Variants in GRIP1 observed in about 807,000 individuals in gnomAD.
GRIP1 encodes glutamate receptor-interacting protein 1.
In GRIP1, 45 loss-of-function variants were observed where a neutral mutation model predicts 129.9. The ratio of observed to expected loss-of-function variants is 0.35; its 90% CI spans 0.27 to 0.44. GRIP1 has a LOEUF of 0.44. Ranked by LOEUF, GRIP1 falls within the 20% of genes least tolerant of loss-of-function variation. The probability of loss-of-function intolerance (pLI) is 1.00; values close to 1 mark genes in which losing one functional copy is unlikely to be tolerated. For synonymous variants in GRIP1, 530 were observed against 520.8 expected, an observed-to-expected ratio of 1.02 and a Z score of -0.24; for missense variants, 1,196 against 1,396.8, an observed-to-expected ratio of 0.86 and a Z score of 2.29.
In GRIP1 at chr12:66,462,930, C is replaced by A; in HGVS notation, c.1036G>T (p.Asp346Tyr). The change falls in exon 9 of 25, where the codon GAC (aspartate) becomes TAC (tyrosine). Residue 346 changes from aspartate to tyrosine, a missense_variant. Asp to Tyr is a radical substitution (Grantham distance 160). Around this residue, in one of 5 missense-constraint regions of GRIP1, gnomAD observed 508 missense variants for 587.0 expected, o/e 0.87. Coordinates refer to ENST00000359742, the MANE Select transcript of GRIP1 (RefSeq NM_001366722.1). ...TCCAGGTGGACCATCTCACCATGGT[C>A]GGGCCCCTTTAGGGCCAGCCGGGTC... ...HQTRLALKGP[D>Y]HVKIQRSDRQ... The A allele has an allele frequency of 1.9e-6, 3 of 1,612,842 alleles. No homozygotes were observed. The highest frequency in any genetic ancestry group is 2.2e-5 in the South Asian group (2 of 90,836).
chr12:66,906,903 T>C (rs1367205942), intron 1 of GRIP1, among the ~76,000 whole-genome samples: 1 of 152,270 alleles, frequency 6.6e-6, no homozygotes, highest in Non-Finnish European at 1.5e-5. Context: ...CATAGACCTT[T>C]CCCCCAGCTT....
At chr12:66,461,679 A>T (rs981522701) in intron 9 of GRIP1, among the ~76,000 whole-genome samples, 10 of 152,230 alleles carry the variant, frequency 6.6e-5, no homozygotes, top group Admixed American at 6.5e-5. Flanking sequence ...CCATTTAATT[A>T]AAAAGGTTGC....
At chr12:66,584,368 T>A (rs1592599236) in intron 2 of GRIP1, among the ~76,000 whole-genome samples, 1 of 151,988 alleles carries the variant, frequency 6.6e-6, no homozygotes, top group African/African-American at 2.4e-5. Flanking sequence ...GTAACTAACC[T>A]GCACATTGTG....
chr12:66,906,949 A>G (rs1274067456), intron 1 of GRIP1, among the ~76,000 whole-genome samples: 1 of 152,200 alleles, frequency 6.6e-6, no homozygotes, highest in Non-Finnish European at 1.5e-5. Flanking sequence ...CCTTCATACC[A>G]ATGACCACAA....
chr12:66,938,893 G>A (rs1022907363), intron 1 of GRIP1, among the ~76,000 whole-genome samples: 1 of 152,160 alleles, frequency 6.6e-6, no homozygotes, highest in Non-Finnish European at 1.5e-5. Flanking sequence ...GGAGGTGGAG[G>A]TTGCAGTAAG....
intron 16 of GRIP1, 61 bp from the exon 17 acceptor site, chr12:66,394,413 C>T: frequency 7.6e-7 from 1 of 1,310,196 alleles, no homozygotes; most frequent in Non-Finnish European, 1.1e-6. Flanking sequence ...GAGTAAGATG[C>T]ATAGATTCAT....
intron 1 of GRIP1, among the ~76,000 whole-genome samples, chr12:66,686,516 A>T (rs2034791157): frequency 6.6e-6 from 1 of 152,236 alleles, no homozygotes; most frequent in South Asian, 2.1e-4. Context: ...AAACTCTGTA[A>T]TTCCATCTTC....
intron 1 of GRIP1, among the ~76,000 whole-genome samples, chr12:66,891,529 C>A (rs977903023): frequency 6.6e-6 from 1 of 152,024 alleles, no homozygotes; most frequent in Non-Finnish European, 1.5e-5. Flanking sequence ...GAATGATGAC[C>A]GAAGAATACA....
chr12:66,910,944 AT>A (rs1366845305), intron 1 of GRIP1, among the ~76,000 whole-genome samples: 1 of 152,180 alleles, frequency 6.6e-6, no homozygotes, highest in Non-Finnish European at 1.5e-5. Flanking sequence ...TGAAGAAAAC[AT>A]TTTTCAACCA....
intron 1 of GRIP1, among the ~76,000 whole-genome samples, chr12:66,960,047 TG>T (rs2041901043): frequency 6.6e-6 from 1 of 152,112 alleles, no homozygotes; most frequent in Admixed American, 6.6e-5. Flanking sequence ...AAGAAATATA[TG>T]GTATGTTTAG....
chr12:66,785,370 G>T (rs2038306534), intron 1 of GRIP1, among the ~76,000 whole-genome samples: 6 of 43,734 alleles, frequency 1.4e-4, no homozygotes, highest in Admixed American at 2.1e-4. Flanking sequence ...ATATTAGTTG[G>T]GCATGGTAGC....
At chr12:66,360,641 G>A (rs976758841) in intron 23 of GRIP1, among the ~76,000 whole-genome samples, 1 of 152,180 alleles carries the variant, frequency 6.6e-6, no homozygotes, top group African/African-American at 2.4e-5. Context: ...ACAGGAGGCA[G>A]GGTGGGTTCA....
At chr12:67,063,537 A>T (rs548646741) in intron 1 of GRIP1, among the ~76,000 whole-genome samples, 10 of 152,326 alleles carry the variant, frequency 6.6e-5, no homozygotes, top group African/African-American at 2.4e-4. Context: ...AGATAAAACA[A>T]GAGATTCAAA....
chr12:66,766,694 G>A (rs1055574620), intron 1 of GRIP1, among the ~76,000 whole-genome samples: 4 of 152,028 alleles, frequency 2.6e-5, no homozygotes, highest in Non-Finnish European at 4.4e-5. Context: ...CTCACGTTAC[G>A]AGCAAAACCT....
intron 1 of GRIP1, among the ~76,000 whole-genome samples, chr12:66,814,899 A>G (rs1041008107): frequency 6.6e-6 from 1 of 152,136 alleles, no homozygotes; most frequent in Non-Finnish European, 1.5e-5. Context: ...CCAGACACTT[A>G]TAAAACCATC....
Position 67,018,028 on chromosome 12 carries a change from G to C in GRIP1, c.58+51022C>G, listed in dbSNP as rs1353683452. 2.6e-5 allele frequency among the ~76,000 whole-genome samples: 4 copies of C among 152,186 alleles called. No individual in the cohort carries two copies. The East Asian group carries it at 7.7e-4, about 29-fold the overall frequency. ...AACAGATACCTGAAATACTGAGTGA[G>C]TTAAACATGAGGATTTAAGTTTGGC... is the stretch of plus-strand genomic sequence containing the variant. On this transcript the variant is annotated intron_variant, in intron 1 of 1. Coordinates refer to the GRIP1 transcript ENST00000643019.
chr12:66,509,278 G>C (rs889634188), intron 7 of GRIP1, among the ~76,000 whole-genome samples: 7 of 152,060 alleles, frequency 4.6e-5, no homozygotes, highest in African/African-American at 1.7e-4. Context: ...AAATTTCTTG[G>C]TATTCACTAA....
intron 1 of GRIP1, among the ~76,000 whole-genome samples, chr12:66,932,418 A>G (rs543216643): frequency 6.6e-6 from 1 of 152,302 alleles, no homozygotes; most frequent in Admixed American, 6.5e-5. Context: ...CTGCAAAGAA[A>G]TCATCATGAT....
chr12:66,582,442 A>G (rs1362128947), intron 2 of GRIP1, among the ~76,000 whole-genome samples: 6 of 149,710 alleles, frequency 4.0e-5, no homozygotes, highest in South Asian at 2.1e-4. Context: ...AGGGTATTCA[A>G]TTAAGAAAAG....
Sources: allele counts gnomAD v4.1 joint callset (sites outside exome capture counted in the v4.1 genomes callset), GRCh38; gene constraint gnomAD v4.1.1; regional missense constraint gnomAD v4.1.1; transcripts MANE v1.5; gene names NCBI Gene and HGNC (gene_info 2026-07-23, HGNC 2026-07-21).